The following AADACL2 variants were observed in gnomAD, a reference collection of about 807,000 sequenced individuals.
AADACL2 encodes arylacetamide deacetylase-like 2.
A neutral mutation model predicts 22.3 loss-of-function variants in AADACL2; 23 were observed. The ratio of observed to expected loss-of-function variants is 1.03; its 90% CI spans 0.74 to 1.46. AADACL2 has a LOEUF of 1.46. AADACL2 is among the 40% of genes most tolerant of loss of function. The pLI, the probability that AADACL2 is intolerant of heterozygous loss-of-function variation, is 0.00. For synonymous variants in AADACL2, 177 were observed against 166.2 expected, an observed-to-expected ratio of 1.07 and a Z score of -0.50; for missense variants, 472 against 482.9, an observed-to-expected ratio of 0.98 and a Z score of 0.21.
At chr3:151,754,687 T>C (rs902530348) in intron 4 of AADACL2, among the ~76,000 whole-genome samples, 2 of 152,080 alleles carry the variant, frequency 1.3e-5, no homozygotes, top group African/African-American at 2.4e-5. Flanking sequence ...ATTGGAAATA[T>C]AATAAAAAGG....
chr3:151,734,266 ATCACCATTTTG>A, intron 1 of AADACL2, 93 bp downstream of exon 1: 2 of 1,331,534 alleles, frequency 1.5e-6, no homozygotes, highest in Non-Finnish European at 2.0e-6. Context: ...TAGTATTAAT[ATCACCATTTTG>A]AAAGAACCAT....
At chr3:151,739,862 C>G (rs182805449) in intron 1 of AADACL2, among the ~76,000 whole-genome samples, 5 of 152,316 alleles carry the variant, frequency 3.3e-5, no homozygotes, top group Non-Finnish European at 7.3e-5. Context: ...CCTCTCCCCC[C>G]ACCAAGCTAG....
At position 151,734,021 on chromosome 3, in the gene AADACL2, G is replaced by A; in HGVS notation, c.-15G>A. On this transcript the variant is annotated 5_prime_UTR_variant, in exon 1 of 5. Transcript: ENST00000356517. Reference sequence around the variant, plus strand: ...TTAATCTCAGTACTGTGAAGAAGCTGGAAAAAGGGATATTATGGGGCTAAA... The same window carrying A: ...TTAATCTCAGTACTGTGAAGAAGCTAGAAAAAGGGATATTATGGGGCTAAA... 1 of 1,595,684 alleles carries A rather than the reference G, an allele frequency of 6.3e-7. No homozygotes were observed. The highest frequency in any genetic ancestry group is 8.5e-7 in the Non-Finnish European group (1 of 1,170,198).
In AADACL2 at chr3:151,738,005, G is replaced by C. The variant is rs367752365; in HGVS notation, c.139-2641G>C. 2.4e-4 allele frequency among the ~76,000 whole-genome samples: 37 copies of C among 152,286 alleles called. 2 individuals are homozygous for C. Among genetic ancestry groups the C allele is most frequent in the Admixed American group, 1.3e-3 (20 of 15,298 alleles). ...ATTTGATCCTGTCATCATGATGCTA[G>C]CTAGTTATTTTGCACAATAGTCAAT... On this transcript the variant is annotated intron_variant, in intron 1 of 4. Coordinates refer to ENST00000356517, the MANE Select transcript of AADACL2 (RefSeq NM_207365.4).
intron 1 of AADACL2, among the ~76,000 whole-genome samples, chr3:151,734,715 T>C (rs991097397): frequency 1.3e-5 from 2 of 152,182 alleles, no homozygotes; most frequent in African/African-American, 2.4e-5. Context: ...AAGGGAGAGA[T>C]AGGGTTAGAA....
At position 151,757,393 on chromosome 3, in the gene AADACL2, T is replaced by G. The variant is rs553333237; in HGVS notation, c.1005T>G (p.Ile335Met). ...SQLQNLPLTY[I>M]LTCQHDLLRD... ...TACAGAATTTGCCACTAACCTATAT[T>G]CTTACTTGTCAACATGATCTCTTAA... Residue 335 changes from isoleucine to methionine, a missense_variant, in exon 5 of 5, where the codon ATT becomes ATG. Transcript: ENST00000356517. 17 of 1,613,720 alleles carry G rather than the reference T, an allele frequency of 1.1e-5. No homozygotes were observed. The Admixed American group carries it at 1.2e-4, about 11-fold the overall frequency.
intron 2 of AADACL2, 39 bp from the exon 3 acceptor site, chr3:151,744,054 A>G (rs759232695): frequency 2.5e-6 from 4 of 1,591,416 alleles, no homozygotes; most frequent in South Asian, 1.1e-5. Context: ...TAGCTTTTTA[A>G]TTACAGGAAA....
At chr3:151,749,835 G>GT (rs368479245) in intron 4 of AADACL2, among the ~76,000 whole-genome samples, 7 of 151,868 alleles carry the variant, frequency 4.6e-5, no homozygotes, top group African/African-American at 9.7e-5. Flanking sequence ...GTTTTTGTTT[G>GT]TTTTTTTGTT....
intron 4 of AADACL2, among the ~76,000 whole-genome samples, chr3:151,750,545 C>T (rs1713630004): frequency 6.6e-6 from 1 of 151,854 alleles, no homozygotes; most frequent in African/African-American, 2.4e-5. Flanking sequence ...AACTTGTCTA[C>T]CTTTCTATTT....
intron 2 of AADACL2, among the ~76,000 whole-genome samples, chr3:151,742,719 A>C (rs1713319832): frequency 6.6e-6 from 1 of 152,192 alleles, no homozygotes. Context: ...CCCTGAGCTA[A>C]GATGTTTCCA....
intron 4 of AADACL2, among the ~76,000 whole-genome samples, chr3:151,752,414 T>C (rs1420868678): frequency 6.6e-6 from 1 of 152,186 alleles, no homozygotes; most frequent in Non-Finnish European, 1.5e-5. Flanking sequence ...TTCTTATTAT[T>C]GAGAAGAAAT....
Position 151,744,157 on chromosome 3 carries a change from C to T in AADACL2, c.426C>T (p.Gly142=), listed in dbSNP as rs757314559. The T allele has an allele frequency of 7.4e-6, 12 of 1,613,268 alleles. No individual in the cohort carries two copies. Among genetic ancestry groups the T allele is most frequent in the African/African-American group, 4.0e-5 (3 of 74,862 alleles). Residue 142 remains glycine, a synonymous_variant, in exon 3 of 5, where the codon GGC becomes GGT. Transcript: ENST00000356517. ...TANTLDAVVV[G]VDYRLAPQHH... is the part of the protein sequence containing the mutation. Reference sequence around the variant, plus strand: ...ACACGCTTGATGCTGTTGTTGTAGGCGTGGAGTAAGAATGATTTTTTTCTG... The same window carrying T: ...ACACGCTTGATGCTGTTGTTGTAGGTGTGGAGTAAGAATGATTTTTTTCTG...
intron 2 of AADACL2, among the ~76,000 whole-genome samples, chr3:151,743,054 C>G (rs1397780230): frequency 1.3e-5 from 2 of 151,972 alleles, no homozygotes; most frequent in African/African-American, 4.8e-5. Flanking sequence ...AGATCTCATG[C>G]TCTTTCGTTA....
At chr3:151,749,213 T>C (rs1483050751) in intron 4 of AADACL2, among the ~76,000 whole-genome samples, 1 of 152,174 alleles carries the variant, frequency 6.6e-6, no homozygotes, top group East Asian at 1.9e-4. Context: ...CTTTCATTAA[T>C]ATTTTATAGC....
chr3:151,758,564 A>T lies in AADACL2; in HGVS notation c.*970A>T, dbSNP rs996759059. 2.0e-5 allele frequency: 3 copies of T among 152,046 alleles called. No homozygotes were observed. Among genetic ancestry groups the T allele is most frequent in the African/African-American group, 7.2e-5 (3 of 41,396 alleles). 9.4% of individuals were successfully genotyped at this position (152,046 alleles called of 1,614,324 possible). A position where few individuals can be genotyped will look rare whatever the true frequency, so the allele number is the denominator to read the frequency against. On this transcript the variant is annotated 3_prime_UTR_variant, in exon 5 of 5. Transcript: ENST00000356517. ...ATCAATATTATAATTCAAGAATCTG[A>T]TCTAAATATGCATTCAATAATGAAG...
chr3:151,754,702 T>C (rs1713821449), intron 4 of AADACL2, among the ~76,000 whole-genome samples: 1 of 152,070 alleles, frequency 6.6e-6, no homozygotes, highest in Non-Finnish European at 1.5e-5. Flanking sequence ...AAAAGGTAAA[T>C]AGAAGTTTGA....
intron 3 of AADACL2, 127 bp downstream of exon 3, chr3:151,744,289 G>GT (rs1322827717): frequency 1.1e-5 from 9 of 819,792 alleles, no homozygotes; most frequent in Non-Finnish European, 1.5e-5. Flanking sequence ...TGTCACCATT[G>GT]CAACATAGAC....
intron 4 of AADACL2, among the ~76,000 whole-genome samples, chr3:151,750,139 G>C (rs1335228435): frequency 6.6e-6 from 1 of 152,174 alleles, no homozygotes; most frequent in Non-Finnish European, 1.5e-5. Context: ...ATATCACCTT[G>C]ATAGATTTGT....
At chr3:151,747,290 A>G (rs180705957) in intron 4 of AADACL2, among the ~76,000 whole-genome samples, 46 of 152,262 alleles carry the variant, frequency 3.0e-4, no homozygotes, top group African/African-American at 8.4e-4. Context: ...TCGAGTACGC[A>G]GTATTATTAA....
Sources: allele counts gnomAD v4.1 joint callset (sites outside exome capture counted in the v4.1 genomes callset), GRCh38; gene constraint gnomAD v4.1.1; transcripts MANE v1.5; gene names NCBI Gene and HGNC (gene_info 2026-07-23, HGNC 2026-07-21).